Variants in TTLL9 observed in about 807,000 individuals in gnomAD.
The protein encoded by TTLL9 is tubulin tyrosine ligase like 9.
In TTLL9, 47 loss-of-function variants were observed where a neutral mutation model predicts 65.6. The ratio of observed to expected loss-of-function variants is 0.72; its 90% CI spans 0.57 to 0.91. The LOEUF (loss-of-function observed/expected upper bound fraction) is 0.91. Ranked by LOEUF, TTLL9 falls within the 40% of genes least tolerant of loss-of-function variation. The probability of loss-of-function intolerance (pLI) is 0.00; values close to 1 mark genes in which losing one functional copy is unlikely to be tolerated. For missense variants in TTLL9, 537 were observed against 568.8 expected, an observed-to-expected ratio of 0.94 and a Z score of 0.57; for synonymous variants, 179 against 204.8, an observed-to-expected ratio of 0.87 and a Z score of 1.07.
chr20:31,927,111 T>C (rs758358414), intron 10 of TTLL9, among the ~76,000 whole-genome samples: 18 of 146,492 alleles, frequency 1.2e-4, no homozygotes, highest in Admixed American at 2.7e-4. Flanking sequence ...CAAGACTGTA[T>C]GTCAAAAAAA....
Position 31,934,760 on chromosome 20 carries a change from G to A in TTLL9, c.876G>A (p.Glu292=), listed in dbSNP as rs557797446. 3.1e-6 allele frequency: 5 copies of A among 1,613,322 alleles called. No individual in the cohort carries two copies. In the South Asian group the frequency reaches 5.5e-5, roughly 18 times the overall value. The change falls in exon 12 of 15, where the codon GAG becomes GAA. Residue 292 remains glutamate, a synonymous_variant. Transcript: ENST00000535842. The stretch of plus-strand genomic sequence containing the variant: ...CCAAACACGGGCCCGAGGCAGTGGA[G>A]ACACTCTTCAGGGACATCGACAACA... The part of the protein sequence containing the change: ...LASKHGPEAV[E]TLFRDIDNIF...
At chr20:31,939,073 A>G in intron 13 of TTLL9, 69 bp from the exon 14 acceptor site, 1 of 1,479,064 alleles carries the variant, frequency 6.8e-7, no homozygotes, top group Non-Finnish European at 9.0e-7. Flanking sequence ...GAGATCAGGG[A>G]CCTCACTTGG....
At chr20:31,886,792 C>T (rs1169983036) in intron 2 of TTLL9, among the ~76,000 whole-genome samples, 2 of 152,156 alleles carry the variant, frequency 1.3e-5, no homozygotes, top group Non-Finnish European at 2.9e-5. Context: ...GCACTCCAGC[C>T]TGGGTGACAG....
intron 12 of TTLL9, among the ~76,000 whole-genome samples, chr20:31,936,061 A>C (rs1329507898): frequency 6.6e-6 from 1 of 152,132 alleles, no homozygotes; most frequent in East Asian, 1.9e-4. Context: ...TAATTTACCA[A>C]GATAATTTGC....
At chr20:31,882,213 G>T (rs755405868) in intron 2 of TTLL9, among the ~76,000 whole-genome samples, 26 of 152,188 alleles carry the variant, frequency 1.7e-4, no homozygotes, top group Non-Finnish European at 3.1e-4. Flanking sequence ...TGGTCGCCAA[G>T]ACCTCAGCTC....
intron 4 of TTLL9, among the ~76,000 whole-genome samples, chr20:31,905,027 G>A (rs1040911924): frequency 3.3e-5 from 5 of 152,094 alleles, no homozygotes; most frequent in African/African-American, 1.2e-4. Flanking sequence ...CCAGCCAGCC[G>A]GGAATCTGTG....
intron 4 of TTLL9, among the ~76,000 whole-genome samples, chr20:31,905,073 C>T (rs566451861): frequency 6.6e-6 from 1 of 151,966 alleles, no homozygotes; most frequent in Non-Finnish European, 1.5e-5. Flanking sequence ...GAGCACATGG[C>T]CATTTCTTTT....
At chr20:31,889,762 G>A (rs2063257786) in intron 3 of TTLL9, among the ~76,000 whole-genome samples, 2 of 147,754 alleles carry the variant, frequency 1.4e-5, no homozygotes, top group Admixed American at 1.4e-4. Context: ...TAGTTATGAG[G>A]TCTCACTATG....
intron 2 of TTLL9, among the ~76,000 whole-genome samples, chr20:31,880,144 C>G (rs914095159): frequency 6.6e-6 from 1 of 152,140 alleles, no homozygotes; most frequent in African/African-American, 2.4e-5. Flanking sequence ...GCAAGTCCCG[C>G]GAGCCCGGCC....
rs528679299 is a variant in TTLL9, at chr20:31,899,633, CA to C, written c.206+1079del. On this transcript the variant is annotated intron_variant, in intron 4 of 14. Coordinates refer to ENST00000535842, the MANE Select transcript of TTLL9 (RefSeq NM_001008409.5). ...TGGGTGACAGAGCGAGACCCTGACTCAAAAAAAAAAAGAGAGAGAGAGAAAG... is the reference window on the plus strand; with the variant it reads ...TGGGTGACAGAGCGAGACCCTGACTCAAAAAAAAAAGAGAGAGAGAGAAAG... Among the ~76,000 whole-genome samples the C allele has an allele frequency of 2.5e-3, 342 of 137,460 alleles. 2 individuals are homozygous for C. The highest frequency in any genetic ancestry group is 7.0e-3 in the African/African-American group (257 of 36,840). The allele number at this position is 137,460 out of a possible 152,430, so 90.2% of individuals were successfully genotyped here.
At chr20:31,889,975 T>TTTCTTTCC (rs1491571169) in intron 3 of TTLL9, among the ~76,000 whole-genome samples, 1 of 34,364 alleles carries the variant, frequency 2.9e-5, no homozygotes, top group Non-Finnish European at 5.2e-5. Context: ...CATCTCTCTC[T>TTTCTTTCC]TTCTTTCTTT....
In TTLL9 at chr20:31,933,683, G is replaced by T; in HGVS notation, c.749-117G>T. ...ATCTGACTCCAAAGCTCACACACAC[G>T]ACCGTGGAGCTATTTCGTAGCCTTC... On this transcript the variant is annotated intron_variant, in intron 10 of 14. Coordinates refer to ENST00000535842, the MANE Select transcript of TTLL9 (RefSeq NM_001008409.5). 5 of 926,176 alleles carry T rather than the reference G, an allele frequency of 5.4e-6. No individual in the cohort carries two copies. The South Asian group carries it at 9.8e-5, about 18-fold the overall frequency. 57.4% of individuals were successfully genotyped at this position (926,176 alleles called of 1,614,324 possible).
intron 12 of TTLL9, among the ~76,000 whole-genome samples, chr20:31,935,783 G>A (rs2064098690): frequency 6.6e-6 from 1 of 152,218 alleles, no homozygotes; most frequent in Non-Finnish European, 1.5e-5. Flanking sequence ...AGTCAGGTTA[G>A]GGGAGGGACC....
chr20:31,890,953 G>C (rs2063300512), intron 3 of TTLL9, among the ~76,000 whole-genome samples: 1 of 152,174 alleles, frequency 6.6e-6, no homozygotes, highest in South Asian at 2.1e-4. Context: ...ATGCCAAAGG[G>C]ATATGGGTGG....
At chr20:31,906,956 A>G (rs930426662) in intron 4 of TTLL9, among the ~76,000 whole-genome samples, 1 of 152,032 alleles carries the variant, frequency 6.6e-6, no homozygotes. Context: ...AGCCCCAAAC[A>G]CCTTTTAATA....
intron 7 of TTLL9, among the ~76,000 whole-genome samples, chr20:31,921,464 C>T (rs1421891859): frequency 6.6e-6 from 1 of 152,164 alleles, no homozygotes; most frequent in African/African-American, 2.4e-5. Context: ...CCAGCCATCC[C>T]ATTACTGGGT....
chr20:31,910,191 A>G (rs1223736619), intron 6 of TTLL9, among the ~76,000 whole-genome samples: 1 of 152,210 alleles, frequency 6.6e-6, no homozygotes, highest in African/African-American at 2.4e-5. Flanking sequence ...CTGACATGCC[A>G]AGTGCTTTAC....
At chr20:31,912,413 C>T (rs889577598) in intron 6 of TTLL9, among the ~76,000 whole-genome samples, 18 of 152,086 alleles carry the variant, frequency 1.2e-4, no homozygotes, top group African/African-American at 2.2e-4. Context: ...TGTGGAGCAG[C>T]GGTTCTCAAA....
At chr20:31,903,936 A>C (rs947759776) in intron 4 of TTLL9, among the ~76,000 whole-genome samples, 8 of 152,220 alleles carry the variant, frequency 5.3e-5, no homozygotes, top group African/African-American at 1.9e-4. Context: ...CCAGGATCCC[A>C]CTTTGCATTT....
Sources: allele counts gnomAD v4.1 joint callset (sites outside exome capture counted in the v4.1 genomes callset), GRCh38; gene constraint gnomAD v4.1.1; transcripts MANE v1.5; gene names NCBI Gene and HGNC (gene_info 2026-07-23, HGNC 2026-07-21).